Variants in SNTG2 observed in about 807,000 individuals in gnomAD.
The protein encoded by SNTG2 is gamma-2-syntrophin.
SNTG2 carries 74 observed loss-of-function variants against 70.9 expected under a neutral mutation model. The observed-to-expected ratio is 1.04, with a 90% CI of 0.86 to 1.27. The LOEUF (loss-of-function observed/expected upper bound fraction) is 1.27. SNTG2 is among the 50% of genes most tolerant of loss of function. The pLI is 0.00. For synonymous variants in SNTG2, 278 were observed against 273.8 expected, an observed-to-expected ratio of 1.02 and a Z score of -0.15; for missense variants, 717 against 690.7, an observed-to-expected ratio of 1.04 and a Z score of -0.43.
At chr2:997,939 A>T (rs1572205602) in intron 1 of SNTG2, among the ~76,000 whole-genome samples, 1 of 152,184 alleles carries the variant, frequency 6.6e-6, no homozygotes, top group Non-Finnish European at 1.5e-5. Context: ...GCATGATGAG[A>T]TTCTTGAGAC....
chr2:1,144,296 G>A (rs951048382), intron 6 of SNTG2, among the ~76,000 whole-genome samples: 25 of 152,114 alleles, frequency 1.6e-4, no homozygotes, highest in African/African-American at 6.0e-4. Context: ...GCCAGAAATG[G>A]ATAGACCCAC....
intron 1 of SNTG2, among the ~76,000 whole-genome samples, chr2:1,066,392 C>T (rs1663154728): frequency 6.6e-6 from 1 of 150,754 alleles, no homozygotes; most frequent in Non-Finnish European, 1.5e-5. Flanking sequence ...AGAATTGGGC[C>T]CTTCCTGTTG....
chr2:1,054,676 A>C (rs1171301397), intron 1 of SNTG2, among the ~76,000 whole-genome samples: 1 of 152,204 alleles, frequency 6.6e-6, no homozygotes, highest in African/African-American at 2.4e-5. Flanking sequence ...AGCATAATTA[A>C]GCCCCATGCT....
At chr2:1,267,305 C>T in intron 13 of SNTG2, 60 bp from the exon 14 acceptor site, 2 of 1,475,686 alleles carry the variant, frequency 1.4e-6, no homozygotes, top group Middle Eastern at 2.0e-4. Context: ...ACACCAGGGC[C>T]CTCAGCATGG....
intron 9 of SNTG2, among the ~76,000 whole-genome samples, chr2:1,236,039 C>T (rs895327264): frequency 2.6e-5 from 4 of 152,174 alleles, no homozygotes; most frequent in Non-Finnish European, 5.9e-5. Context: ...ACTTGGCTGT[C>T]GTCCGCAATA....
At chr2:1,208,258 A>G (rs28607844) in intron 8 of SNTG2, among the ~76,000 whole-genome samples, 10 of 74,696 alleles carry the variant, frequency 1.3e-4, no homozygotes, top group Admixed American at 8.8e-4. Context: ...TGTGAGTGTG[A>G]GGCACGCCCA....
intron 1 of SNTG2, among the ~76,000 whole-genome samples, chr2:987,902 C>T (rs1033339480): frequency 2.0e-5 from 3 of 152,194 alleles, no homozygotes; most frequent in Non-Finnish European, 4.4e-5. Context: ...CGCTCCATTT[C>T]TGCCCGGCAG....
intron 14 of SNTG2, among the ~76,000 whole-genome samples, chr2:1,269,813 C>T (rs1208262175): frequency 1.3e-5 from 2 of 152,132 alleles, no homozygotes; most frequent in East Asian, 3.8e-4. Context: ...TAATGAAGAC[C>T]TTTCGTGGGG....
At chr2:1,352,658 A>C (rs1192833584) in intron 16 of SNTG2, among the ~76,000 whole-genome samples, 1 of 152,192 alleles carries the variant, frequency 6.6e-6, no homozygotes, top group East Asian at 1.9e-4. Context: ...CATAGTTTCA[A>C]GGTTCTGAAA....
rs76091131 is a variant in SNTG2 at position 1,223,585 on chromosome 2, A to T, written c.720-14303A>T. 9.3e-3 allele frequency among the ~76,000 whole-genome samples: 1,424 copies of T among 152,312 alleles called. 19 individuals are homozygous for T. The highest frequency in any genetic ancestry group is 0.032 in the African/African-American group (1,316 of 41,574). ...AATTTCCTGGCACCCTCCCCATTAC[A>T]ACTAAACATGAACCAAAGTCACTGA... On this transcript the variant is annotated intron_variant, in intron 9 of 16. Transcript: ENST00000308624.
At chr2:1,359,084 G>A (rs1159614362) in intron 16 of SNTG2, among the ~76,000 whole-genome samples, 2 of 151,872 alleles carry the variant, frequency 1.3e-5, no homozygotes, top group Non-Finnish European at 2.9e-5. Context: ...TTGAATATTT[G>A]TATATCCATA....
In SNTG2 at chr2:1,029,925, C is replaced by T. The variant is rs1476026533; in HGVS notation, c.73-53593C>T. On this transcript the variant is annotated intron_variant, in intron 1 of 16. Transcript: ENST00000308624. ...CTGTTAGGCATCATCTTACCTTTCA[C>T]ATCTTACGTTCCTGTATCATTTCCA... 2.6e-5 allele frequency among the ~76,000 whole-genome samples: 4 copies of T among 152,338 alleles called. No individual in the cohort carries two copies. In the East Asian group the frequency reaches 7.7e-4, roughly 29 times the overall value.
chr2:1,214,495 T>G (rs1449877294), intron 9 of SNTG2, among the ~76,000 whole-genome samples: 1 of 152,172 alleles, frequency 6.6e-6, no homozygotes, highest in African/African-American at 2.4e-5. Context: ...TATTTTATAT[T>G]TTTATACTAC....
intron 11 of SNTG2, among the ~76,000 whole-genome samples, chr2:1,240,258 G>T (rs1468436625): frequency 1.3e-5 from 2 of 152,198 alleles, no homozygotes; most frequent in East Asian, 3.9e-4. Flanking sequence ...AATCCAGGCA[G>T]TTTGTTCACC....
At chr2:1,023,142 G>GT (rs72214044) in intron 1 of SNTG2, among the ~76,000 whole-genome samples, 27,068 of 147,600 alleles carry the variant, frequency 0.18, 2,751 homozygotes, top group Admixed American at 0.32. Flanking sequence ...ATTCACATAG[G>GT]TTTTTTTTTT....
chr2:1,152,048 A>C (rs901191429), intron 6 of SNTG2, among the ~76,000 whole-genome samples: 1 of 152,246 alleles, frequency 6.6e-6, no homozygotes, highest in Non-Finnish European at 1.5e-5. Flanking sequence ...ACCACATAAT[A>C]GAATTTTGTT....
intron 16 of SNTG2, among the ~76,000 whole-genome samples, chr2:1,323,062 A>C (rs1221788210): frequency 6.6e-6 from 1 of 152,216 alleles, no homozygotes; most frequent in Non-Finnish European, 1.5e-5. Flanking sequence ...AGATTCAGAA[A>C]ATTTTGACCA....
At chr2:1,197,462 C>CATATATATATGTGTATATATAGGTGT (rs1672978535) in intron 8 of SNTG2, among the ~76,000 whole-genome samples, 1 of 96,124 alleles carries the variant, frequency 1.0e-5, no homozygotes, top group Non-Finnish European at 2.2e-5. Context: ...TCAGAGCATG[C>CATATATATATGTGTATATATAGGTGT]ATATATATAT....
intron 9 of SNTG2, among the ~76,000 whole-genome samples, chr2:1,229,887 G>A (rs1406257969): frequency 1.3e-5 from 2 of 152,190 alleles, no homozygotes; most frequent in Non-Finnish European, 2.9e-5. Context: ...CGGCTGCTCC[G>A]AGTGCGGAGC....
Sources: gnomAD v4.1 joint callset for allele counts (sites outside exome capture counted in the v4.1 genomes callset) on GRCh38, gnomAD v4.1.1 for gene constraint, MANE v1.5 for transcripts, NCBI Gene and HGNC (gene_info 2026-07-23, HGNC 2026-07-21) for gene names.